Variants in NSG1 observed in about 807,000 individuals in gnomAD.
The protein encoded by NSG1 is neuronal vesicle trafficking-associated protein 1.
Under a neutral mutation model 19.3 loss-of-function variants are expected in NSG1, and 9 were observed. The observed-to-expected ratio is 0.47, with a 90% CI of 0.28 to 0.81. NSG1 has a LOEUF of 0.81. NSG1 is among the 40% of genes least tolerant of loss of function. NSG1 has a pLI of 0.11. For missense variants in NSG1, 236 were observed against 242.4 expected, an observed-to-expected ratio of 0.97 and a Z score of 0.18; for synonymous variants, 104 against 107.0, an observed-to-expected ratio of 0.97 and a Z score of 0.17.
chr4:4,399,007 A>G lies in NSG1; in HGVS notation c.246+7416A>G, dbSNP rs140775066. Among the ~76,000 whole-genome samples, 311 of 152,268 alleles carry G rather than the reference A, an allele frequency of 2.0e-3. 4 individuals carry two copies. The highest frequency in any genetic ancestry group is 9.9e-3 in the Admixed American group (151 of 15,296). On this transcript the variant is annotated intron_variant, in intron 3 of 4. Transcript: ENST00000621129. ...AGTGGATATGAAGTAGTATCTCATTATGGTTTTGATTTGTATTTTCCTAAT... is the reference window on the plus strand; with the variant it reads ...AGTGGATATGAAGTAGTATCTCATTGTGGTTTTGATTTGTATTTTCCTAAT...
chr4:4,408,679 C>T (rs1168260706), intron 3 of NSG1, among the ~76,000 whole-genome samples: 7 of 152,166 alleles, frequency 4.6e-5, no homozygotes, highest in South Asian at 2.1e-4. Context: ...AAGCTGGTGT[C>T]GAATTCCTGA....
At chr4:4,389,798 C>T (rs1478256588) in intron 2 of NSG1, among the ~76,000 whole-genome samples, 2 of 152,172 alleles carry the variant, frequency 1.3e-5, no homozygotes, top group African/African-American at 2.4e-5. Context: ...ACAGCAGTCA[C>T]AGTGCTGGCA....
rs1724713691 is a variant in NSG1, at chr4:4,418,473, A to AAATT, written c.*1039_*1042dup. On this transcript the variant is annotated 3_prime_UTR_variant, in exon 5 of 5. Coordinates refer to ENST00000621129, the MANE Select transcript of NSG1 (RefSeq NM_014392.5). ...TGTGGCACCGTGCAAACAAAATGAC[A>AAATT]AATTTCAACTCACAATCTTTGTAAG... 1 of 152,686 alleles carries AAATT rather than the reference A, an allele frequency of 6.5e-6. No homozygotes were observed. The highest frequency in any genetic ancestry group is 1.5e-5 in the Non-Finnish European group (1 of 68,056). The allele number at this position is 152,686 out of a possible 1,614,324, so 9.5% of individuals were successfully genotyped here.
intron 2 of NSG1, among the ~76,000 whole-genome samples, chr4:4,390,546 G>C (rs1482284952): frequency 1.3e-5 from 2 of 152,212 alleles, no homozygotes; most frequent in Admixed American, 1.3e-4. Flanking sequence ...CAATGAAGGG[G>C]CCTCGTCCCT....
chr4:4,417,377 TTC>T lies in NSG1; in HGVS notation c.502_503del (p.Leu168ValfsTer11). ...CGCTCCGTATCGCCCTGGATGTCAG[TTC>T]TGTCAGAAGAGAAGCTGTCCGAGCA... On this transcript the variant is annotated frameshift_variant, in exon 5 of 5. Transcript: ENST00000621129. LOFTEE classifies it high-confidence loss of function. The T allele has an allele frequency of 1.9e-6, 3 of 1,614,194 alleles. No homozygotes were observed. Among genetic ancestry groups the T allele is most frequent in the South Asian group, 1.1e-5 (1 of 91,088 alleles).
At chr4:4,393,205 C>T (rs73793252) in intron 3 of NSG1, among the ~76,000 whole-genome samples, 3,291 of 152,278 alleles carry the variant, frequency 0.022, 101 homozygotes, top group African/African-American at 0.075. Flanking sequence ...TTCCCAGCCC[C>T]GGCGTTTTAG....
chr4:4,407,288 G>C (rs1156971352), intron 3 of NSG1, among the ~76,000 whole-genome samples: 1 of 152,206 alleles, frequency 6.6e-6, no homozygotes, highest in African/African-American at 2.4e-5. Flanking sequence ...TGCTCAGAGG[G>C]GATGTGAATC....
intron 3 of NSG1, among the ~76,000 whole-genome samples, chr4:4,407,974 CG>C (rs916664180): frequency 6.6e-6 from 1 of 152,110 alleles, no homozygotes; most frequent in Admixed American, 6.5e-5. Flanking sequence ...GGTGGCCGCC[CG>C]TCTCCCAGGT....
rs1378184788 is a variant in NSG1, at chr4:4,417,957, C to T, written c.*522C>T. ...GTGGCATAGAGAACGAGGAAAAAGA[C>T]CCCCCCACCCCTCCCTGTGCTGACT... On this transcript the variant is annotated 3_prime_UTR_variant, in exon 5 of 5. Transcript: ENST00000621129. 1 of 168,122 alleles carries T rather than the reference C, an allele frequency of 5.9e-6. No homozygotes were observed. Among genetic ancestry groups the T allele is most frequent in the African/African-American group, 2.4e-5 (1 of 41,494 alleles). 10.4% of individuals were successfully genotyped at this position (168,122 alleles called of 1,614,324 possible).
At chr4:4,402,089 ATGT>A (rs1034920477) in intron 3 of NSG1, among the ~76,000 whole-genome samples, 2 of 132,280 alleles carry the variant, frequency 1.5e-5, no homozygotes, top group Admixed American at 8.0e-5. Flanking sequence ...AGTTATCCCT[ATGT>A]TGCCCAGGCT....
At chr4:4,411,407 G>A (rs1724172654) in intron 4 of NSG1, among the ~76,000 whole-genome samples, 1 of 152,172 alleles carries the variant, frequency 6.6e-6, no homozygotes, top group African/African-American at 2.4e-5. Flanking sequence ...CCACTGGAAG[G>A]TCTTCAGGAG....
chr4:4,395,801 T>A (rs1156810496), intron 3 of NSG1, among the ~76,000 whole-genome samples: 2 of 152,222 alleles, frequency 1.3e-5, no homozygotes, highest in African/African-American at 4.8e-5. Flanking sequence ...GCCTTTCCGA[T>A]CTTGAAGTGA....
At chr4:4,413,420 C>G (rs1032539912) in intron 4 of NSG1, among the ~76,000 whole-genome samples, 1 of 151,332 alleles carries the variant, frequency 6.6e-6, no homozygotes. Context: ...CCGTCCACGC[C>G]CTAGGCTGGG....
At chr4:4,406,853 G>A (rs1458787347) in intron 3 of NSG1, among the ~76,000 whole-genome samples, 2 of 152,202 alleles carry the variant, frequency 1.3e-5, no homozygotes, top group South Asian at 2.1e-4. Context: ...CAGGGCTTGC[G>A]GCTATCATCG....
At chr4:4,416,298 G>C (rs994984113) in intron 4 of NSG1, 2 of 681,818 alleles carry the variant, frequency 2.9e-6, no homozygotes, top group African/African-American at 3.6e-5. Context: ...GGGCAGTGTT[G>C]GTGAGAAGCA....
intron 3 of NSG1, among the ~76,000 whole-genome samples, chr4:4,402,938 G>A (rs1321916731): frequency 2.0e-5 from 3 of 152,240 alleles, no homozygotes; most frequent in Non-Finnish European, 2.9e-5. Context: ...CTTCCCAGGC[G>A]AGATCATTTG....
chr4:4,392,222 G>A (rs1195289734), intron 3 of NSG1, among the ~76,000 whole-genome samples: 2 of 152,108 alleles, frequency 1.3e-5, no homozygotes, highest in Non-Finnish European at 2.9e-5. Context: ...AGCCTGTCTC[G>A]GTGGGAGGAG....
chr4:4,397,503 C>T lies in NSG1; in HGVS notation c.246+5912C>T, dbSNP rs552139846. Among the ~76,000 whole-genome samples the T allele has an allele frequency of 2.8e-4, 42 of 152,342 alleles. No homozygotes were observed. In the East Asian group the frequency reaches 7.1e-3, roughly 26 times the overall value. On this transcript the variant is annotated intron_variant, in intron 3 of 4. Coordinates refer to ENST00000621129, the MANE Select transcript of NSG1 (RefSeq NM_014392.5). ...GGGCAACTCCCCTGTGGACCCTGAGCTGGGCAGTGGCCCCAGACCTGAGAG... is the reference window on the plus strand; with the variant it reads ...GGGCAACTCCCCTGTGGACCCTGAGTTGGGCAGTGGCCCCAGACCTGAGAG...
chr4:4,415,985 G>A, intron 4 of NSG1: 1 of 653,362 alleles, frequency 1.5e-6, no homozygotes, highest in Non-Finnish European at 2.8e-6. Context: ...TGGTGGGACT[G>A]AGATCAAGAC....
Sources: allele counts gnomAD v4.1 joint callset (sites outside exome capture counted in the v4.1 genomes callset), GRCh38; gene constraint gnomAD v4.1.1; transcripts MANE v1.5; gene names NCBI Gene and HGNC (gene_info 2026-07-23, HGNC 2026-07-21).